ARMC2: variants seen among roughly 807,000 people sequenced by gnomAD.
ARMC2 encodes armadillo repeat-containing protein 2.
In ARMC2, 67 loss-of-function variants were observed where a neutral mutation model predicts 90.3. That is an observed-to-expected ratio of 0.74 (90% CI 0.61 to 0.91). The LOEUF (loss-of-function observed/expected upper bound fraction) is 0.91, where lower values mean the gene tolerates loss of function less well. Among genes scored for constraint, ARMC2 ranks in the 40% least tolerant of loss-of-function variants. The pLI is 0.00. For synonymous variants in ARMC2, 393 were observed against 393.0 expected (o/e 1.00, Z 0.00); for missense variants, 920 against 1,030.9 (o/e 0.89, Z 1.47).
At chr6:109,001,533 T>C in the ARMC2 span, 228 of 1,542,328 alleles carry the variant, frequency 1.5e-4, 2 homozygotes, top group South Asian at 2.5e-3. Flanking sequence ...GGTAAATTGG[T>C]GTTAAGGGAA....
At chr6:109,003,150 T>C in the ARMC2 span, among the ~76,000 whole-genome samples, 14,912 of 151,956 alleles carry the variant, frequency 0.098, 890 homozygotes, top group Middle Eastern at 0.19. Flanking sequence ...GAAACAAAAC[T>C]AAAATAATAT....
chr6:108,907,524 G>T (rs1345345836), intron 8 of ARMC2: 29 of 881,026 alleles, frequency 3.3e-5, no homozygotes, highest in East Asian at 6.4e-5. Context: ...GGATATGAAA[G>T]AATTCAGCAA....
intron 13 of ARMC2, among the ~76,000 whole-genome samples, chr6:108,954,634 A>G (rs562764247): frequency 6.6e-6 from 1 of 152,254 alleles, no homozygotes; most frequent in South Asian, 2.1e-4. Flanking sequence ...CAGAAAAAAA[A>G]TTAGCTACTA....
the ARMC2 span, among the ~76,000 whole-genome samples, chr6:108,994,140 TAAAAAAAAAAA>T: frequency 1.1e-3 from 113 of 100,268 alleles, 2 homozygotes; most frequent in Non-Finnish European, 2.0e-4. Flanking sequence ...CCCTGTTTCT[TAAAAAAAAAAA>T]AAAAAAAAAA....
chr6:109,006,480 G>C, the ARMC2 span, among the ~76,000 whole-genome samples: 4 of 138,632 alleles, frequency 2.9e-5, no homozygotes, highest in East Asian at 6.3e-4. Context: ...CCCGGTGTGT[G>C]ATGTTCCCCA....
At chr6:108,937,845 A>G (rs1230775771) in intron 12 of ARMC2, among the ~76,000 whole-genome samples, 2 of 151,950 alleles carry the variant, frequency 1.3e-5, no homozygotes, top group Non-Finnish European at 2.9e-5. Context: ...CAGGCGTGCC[A>G]CCACACCTGG....
the ARMC2 span, among the ~76,000 whole-genome samples, chr6:108,980,605 G>A: frequency 2.6e-5 from 4 of 151,242 alleles, no homozygotes; most frequent in East Asian, 3.9e-4. Flanking sequence ...ACCCACAGCC[G>A]CCCCTTCCCC....
At chr6:108,850,211 C>G (rs1044629417) in intron 1 of ARMC2, among the ~76,000 whole-genome samples, 1 of 152,204 alleles carries the variant, frequency 6.6e-6, no homozygotes, top group South Asian at 2.1e-4. Context: ...TTTCCTACTG[C>G]TGGTGGTGTT....
chr6:108,885,222 C>G (rs1258915766), intron 5 of ARMC2, among the ~76,000 whole-genome samples: 1 of 88,758 alleles, frequency 1.1e-5, no homozygotes, highest in Non-Finnish European at 2.4e-5. Context: ...AAAAAGGTGC[C>G]AAGGGGTGTG....
Position 108,899,204 on chromosome 6 carries a change from C to T in ARMC2, c.749-490C>T, listed in dbSNP as rs146729752. ...CCCGAAGGCCCAGGCTTTTCTGCTACACCACACAAAATCACTTGGCATTAA... is the reference window on the plus strand; with the variant it reads ...CCCGAAGGCCCAGGCTTTTCTGCTATACCACACAAAATCACTTGGCATTAA... On this transcript the variant is annotated intron_variant, in intron 6 of 17. Transcript: ENST00000392644. Among the ~76,000 whole-genome samples the T allele has an allele frequency of 4.0e-4, 61 of 152,316 alleles. No individual in the cohort carries two copies. In the East Asian group the frequency reaches 8.1e-3, roughly 20 times the overall value.
At chr6:109,018,091 T>C in the ARMC2 span, among the ~76,000 whole-genome samples, 1 of 152,220 alleles carries the variant, frequency 6.6e-6, no homozygotes, top group Non-Finnish European at 1.5e-5. Context: ...AACTAGAACC[T>C]GGCCCCTTCC....
chr6:108,867,453 A>G (rs1582957422), intron 3 of ARMC2, among the ~76,000 whole-genome samples: 1 of 152,302 alleles, frequency 6.6e-6, no homozygotes, highest in African/African-American at 2.4e-5. Context: ...ATCAGCATAG[A>G]ATTTCTGAGA....
At chr6:108,935,723 G>A (rs1458952760) in intron 11 of ARMC2, among the ~76,000 whole-genome samples, 2 of 152,084 alleles carry the variant, frequency 1.3e-5, no homozygotes, top group Admixed American at 6.6e-5. Flanking sequence ...GGTTACAGGC[G>A]TGAGCCACTG....
At chr6:108,907,546 G>T in intron 8 of ARMC2, 2 of 1,274,864 alleles carry the variant, frequency 1.6e-6, no homozygotes, top group Admixed American at 2.1e-5. Context: ...GATCGAGATT[G>T]TGTTCCTCAC....
chr6:108,948,458 C>T (rs915333517), intron 12 of ARMC2, among the ~76,000 whole-genome samples: 16 of 151,646 alleles, frequency 1.1e-4, no homozygotes, highest in African/African-American at 3.9e-4. Context: ...GAAAAAGTGC[C>T]TTAGCTAACC....
intron 1 of ARMC2, among the ~76,000 whole-genome samples, chr6:108,852,716 C>G (rs1465992139): frequency 1.3e-5 from 2 of 152,060 alleles, no homozygotes; most frequent in Admixed American, 1.3e-4. Flanking sequence ...CTTATTAGTG[C>G]CATGTGAGGC....
intron 17 of ARMC2, among the ~76,000 whole-genome samples, chr6:108,969,479 C>T (rs1778609717): frequency 6.6e-6 from 1 of 152,080 alleles, no homozygotes; most frequent in African/African-American, 2.4e-5. Context: ...CATGCTGTGC[C>T]TAAAGAAAGC....
At chr6:108,977,098 C>A (rs1778996873), downstream of ARMC2, among the ~76,000 whole-genome samples, 1 of 152,180 alleles carries the variant, frequency 6.6e-6, no homozygotes, top group South Asian at 2.1e-4. Context: ...AAAGGGAATG[C>A]TTCCAGCTTT....
chr6:108,962,031 G>A lies in ARMC2; in HGVS notation c.2056G>A (p.Val686Ile), dbSNP rs778649856. 6.2e-7 allele frequency: 1 copy of A among 1,611,446 alleles called. No homozygotes were observed. The highest frequency in any genetic ancestry group is 8.5e-7 in the Non-Finnish European group (1 of 1,179,200). The change falls in exon 15 of 18, where the codon GTC (valine) becomes ATC (isoleucine). Residue 686 changes from valine (V) to isoleucine (I), a missense_variant. By Grantham distance (29) the Val-to-Ile change is conservative (BLOSUM62 3). Coordinates refer to ENST00000392644, the MANE Select transcript of ARMC2 (RefSeq NM_032131.6). ...AAATCCAGTGCTCTTAAAGCTTCTT[G>A]TCAGTAACAACATGGATGGAATCCT... is the stretch of plus-strand genomic sequence containing the variant. ...YIAELLLKLL[V>I]SNNMDGILEA...
Sources: gnomAD v4.1 joint callset for allele counts (sites outside exome capture counted in the v4.1 genomes callset) on GRCh38, gnomAD v4.1.1 for gene constraint, MANE v1.5 for transcripts, NCBI Gene and HGNC (gene_info 2026-07-23, HGNC 2026-07-21) for gene names.